Variants in GABRA6 observed in about 807,000 individuals in gnomAD.
GABRA6 encodes the protein gamma-aminobutyric acid receptor subunit alpha-6.
GABRA6 carries 45 observed loss-of-function variants against 47.3 expected under a neutral mutation model. That is an observed-to-expected ratio of 0.95 (90% confidence interval 0.75 to 1.22). The LOEUF is 1.22. GABRA6 is among the 50% of genes most tolerant of loss of function. The pLI is 0.00. For missense variants in GABRA6, 583 were observed against 549.3 expected (o/e 1.06, Z -0.61); for synonymous variants, 219 against 194.7 (o/e 1.12, Z -1.04).
At chr5:161,694,082 C>T (rs565156736) in intron 8 of GABRA6, among the ~76,000 whole-genome samples, 1 of 152,136 alleles carries the variant, frequency 6.6e-6, no homozygotes, top group African/African-American at 2.4e-5. Flanking sequence ...AGACTTGCTC[C>T]ACAATGTTAA....
chr5:161,698,795 C>T (rs1470065674), intron 8 of GABRA6, among the ~76,000 whole-genome samples: 1 of 152,016 alleles, frequency 6.6e-6, no homozygotes, highest in Non-Finnish European at 1.5e-5. Flanking sequence ...TCCTAGAAAA[C>T]CCTCCACAGA....
Position 161,702,313 on chromosome 5 carries a change from C to T in GABRA6, c.*540C>T, listed in dbSNP as rs1032618826. On this transcript the variant is annotated 3_prime_UTR_variant, in exon 9 of 9. Transcript: ENST00000274545. ...GCTTAGCCATTTGTTTTTAACCTCG[C>T]TGTGCTCTTTTACCTCAATAAAATG... The T allele has an allele frequency of 1.9e-5, 3 of 160,642 alleles. No individual in the cohort carries two copies. Among genetic ancestry groups the T allele is most frequent in the Non-Finnish European group, 4.1e-5 (3 of 72,846 alleles). The allele number at this position is 160,642 out of a possible 1,614,324, so 10.0% of individuals were successfully genotyped here.
Position 161,689,105 on chromosome 5 carries a change from A to G in GABRA6, c.382A>G (p.Asn128Asp). The change falls in exon 4 of 9, where the codon AAC becomes GAC. Residue 128 changes from asparagine to aspartate, a missense_variant. By Grantham distance (23) the Asn-to-Asp change is conservative (BLOSUM62 1). Transcript: ENST00000274545. The part of the protein sequence containing the change: ...FRNGKKSIAH[N>D]MTTPNKLFRI... ...AAATGGTAAAAAGTCCATTGCTCAC[A>G]ACATGACAACTCCTAATAAACTCTT... 6.2e-7 allele frequency: 1 copy of G among 1,614,116 alleles called. No individual in the cohort carries two copies. The highest frequency in any genetic ancestry group is 1.1e-5 in the South Asian group (1 of 91,088).
rs1754712164 is a variant in GABRA6 at position 161,686,923 on chromosome 5, G to A, written c.158-13G>A. The stretch of plus-strand genomic sequence containing the variant: ...GTGGTGATAATTGTTTCATCCCTCT[G>A]GGCTAATTTCAGGTGCTGTCACTGA... On this transcript the variant is annotated splice_polypyrimidine_tract_variant and intron_variant, in intron 2 of 8. Coordinates refer to ENST00000274545, the MANE Select transcript of GABRA6 (RefSeq NM_000811.3). 2 of 1,612,930 alleles carry A rather than the reference G, an allele frequency of 1.2e-6. No individual in the cohort carries two copies. The highest frequency in any genetic ancestry group is 1.3e-5 in the African/African-American group (1 of 74,982).
chr5:161,701,624 CCACCACT>C lies in GABRA6; in HGVS notation c.1215_1221del (p.Pro406ArgfsTer10). 1 of 1,614,160 alleles carries C rather than the reference CCACCACT, an allele frequency of 6.2e-7. No individual in the cohort carries two copies. Among genetic ancestry groups the C allele is most frequent in the East Asian group, 2.2e-5 (1 of 44,868 alleles). On this transcript the variant is annotated frameshift_variant, in exon 9 of 9. Coordinates refer to ENST00000274545, the MANE Select transcript of GABRA6 (RefSeq NM_000811.3). LOFTEE classifies it high-confidence loss of function. ...CTTACAATCAACACCTGTCACACCCCCACCACTCTCGCCAGCCTTTGGAGGCACCAGT... is the reference window on the plus strand; with the variant it reads ...CTTACAATCAACACCTGTCACACCCCCTCGCCAGCCTTTGGAGGCACCAGT...
At chr5:161,687,516 T>C (rs4454083) in intron 3 of GABRA6, 126,612 of 454,856 alleles carry the variant, frequency 0.28, 18,221 homozygotes, top group Middle Eastern at 0.32. Flanking sequence ...CTGGGGACTC[T>C]GTTCCAGGTA....
At chr5:161,688,848 C>T (rs1581121262) in intron 3 of GABRA6, 101 bp from the exon 4 acceptor site, 14 of 975,670 alleles carry the variant, frequency 1.4e-5, no homozygotes, top group Admixed American at 1.1e-4. Flanking sequence ...TAAAAAGTTG[C>T]TTTATTGCTT....
At position 161,692,202 on chromosome 5, in the gene GABRA6, T is replaced by C. The variant is rs773896796; in HGVS notation, c.1086+2T>C. 1.9e-6 allele frequency: 3 copies of C among 1,614,232 alleles called. No individual in the cohort carries two copies. The highest frequency in any genetic ancestry group is 2.5e-6 in the Non-Finnish European group (3 of 1,180,038). ...CCTTTGGAAGCTGAGATTGTTTTGG[T>C]AATTGTTTACTTTTTCTATCATTAC... On this transcript the variant is annotated splice_donor_variant, in intron 8 of 8. Coordinates refer to ENST00000274545, the MANE Select transcript of GABRA6 (RefSeq NM_000811.3). LOFTEE classifies it high-confidence loss of function.
intron 8 of GABRA6, among the ~76,000 whole-genome samples, chr5:161,695,392 C>T (rs1470524911): frequency 6.6e-6 from 1 of 151,874 alleles, no homozygotes; most frequent in Non-Finnish European, 1.5e-5. Context: ...AAGAAATTGT[C>T]AACAGTGTTT....
intron 8 of GABRA6, among the ~76,000 whole-genome samples, chr5:161,695,679 C>T (rs958881643): frequency 6.6e-6 from 1 of 152,164 alleles, no homozygotes; most frequent in African/African-American, 2.4e-5. Flanking sequence ...AGTGTCATTA[C>T]TCTCAATGTA....
rs1754709581 is a variant in GABRA6, at chr5:161,686,824, AC to A, written c.158-111del. On this transcript the variant is annotated intron_variant, in intron 2 of 8. Coordinates refer to ENST00000274545, the MANE Select transcript of GABRA6 (RefSeq NM_000811.3). ...ATCCCCACTACTGGAATGCAATAGGACACATTGCAGATACTGGCTATGATAA... is the reference window on the plus strand; with the variant it reads ...ATCCCCACTACTGGAATGCAATAGGAACATTGCAGATACTGGCTATGATAA... 5.7e-6 allele frequency: 5 copies of A among 877,344 alleles called. No individual in the cohort carries two copies. The Admixed American group carries it at 7.5e-5, about 13-fold the overall frequency. The allele number at this position is 877,344 out of a possible 1,614,324, so 54.3% of individuals were successfully genotyped here.
At chr5:161,689,367 T>C in intron 5 of GABRA6, 31 bp downstream of exon 5, 1 of 1,541,200 alleles carries the variant, frequency 6.5e-7, no homozygotes, top group Non-Finnish European at 9.0e-7. Flanking sequence ...GAGAGTCAAA[T>C]AATACATCCA....
At chr5:161,689,504 C>A in intron 5 of GABRA6, 132 bp from the exon 6 acceptor site, 1 of 1,073,792 alleles carries the variant, frequency 9.3e-7, no homozygotes, top group Non-Finnish European at 1.4e-6. Flanking sequence ...AGGCTTTAGT[C>A]ACCAAGATTA....
intron 7 of GABRA6, among the ~76,000 whole-genome samples, 189 bp downstream of exon 7, chr5:161,690,542 A>T (rs541511954): frequency 6.6e-6 from 1 of 152,310 alleles, no homozygotes; most frequent in African/African-American, 2.4e-5. Context: ...AATCAAAAAA[A>T]ATTTTGTCTC....
At chr5:161,693,347 T>C (rs1411565000) in intron 8 of GABRA6, among the ~76,000 whole-genome samples, 3 of 152,046 alleles carry the variant, frequency 2.0e-5, no homozygotes, top group South Asian at 4.1e-4. Context: ...TATGTAGAAA[T>C]ATATAATTTA....
chr5:161,687,468 T>G, intron 3 of GABRA6: 4 of 454,504 alleles, frequency 8.8e-6, no homozygotes, highest in South Asian at 6.2e-5. Context: ...AGGCTGATGC[T>G]CTCCACCTTT....
Position 161,689,350 on chromosome 5 carries a change from G to A in GABRA6, c.529+14G>A. On this transcript the variant is annotated intron_variant, in intron 5 of 8. Coordinates refer to ENST00000274545, the MANE Select transcript of GABRA6 (RefSeq NM_000811.3). Reference sequence around the variant, plus strand: ...AGTTTGGGAGCTGTAAGTTACAACAGGCTTCTGAGAGTCAAATAATACATC... The same window carrying A: ...AGTTTGGGAGCTGTAAGTTACAACAAGCTTCTGAGAGTCAAATAATACATC... The A allele has an allele frequency of 6.2e-7, 1 of 1,608,116 alleles. No individual in the cohort carries two copies. Among genetic ancestry groups the A allele is most frequent in the South Asian group, 1.1e-5 (1 of 90,962 alleles).
intron 7 of GABRA6, among the ~76,000 whole-genome samples, chr5:161,691,589 C>G (rs1754792282): frequency 1.3e-5 from 2 of 151,744 alleles, no homozygotes; most frequent in Admixed American, 6.6e-5. Context: ...CGTGAACCAC[C>G]GCGCCCGGCC....
intron 8 of GABRA6, among the ~76,000 whole-genome samples, chr5:161,694,993 C>A (rs6879618): frequency 6.6e-6 from 1 of 151,942 alleles, no homozygotes; most frequent in African/African-American, 2.4e-5. Flanking sequence ...AATACCATGA[C>A]ATTTAAAAAT....
Sources: gnomAD v4.1 joint callset for allele counts (sites outside exome capture counted in the v4.1 genomes callset) on GRCh38, gnomAD v4.1.1 for gene constraint, MANE v1.5 for transcripts, NCBI Gene and HGNC (gene_info 2026-07-23, HGNC 2026-07-21) for gene names.